THSD7B: variants seen among roughly 807,000 people sequenced by gnomAD.
THSD7B encodes the protein thrombospondin type-1 domain-containing protein 7B.
In THSD7B, 138 loss-of-function variants were observed where a neutral mutation model predicts 213.6. The observed-to-expected ratio is 0.65, with a 90% CI of 0.56 to 0.74. THSD7B has a LOEUF of 0.74. Ranked by LOEUF, THSD7B falls within the 30% of genes least tolerant of loss-of-function variation. The pLI is 0.00. For missense variants in THSD7B, 1,931 were observed against 1,991.5 expected (o/e 0.97, Z 0.58); for synonymous variants, 742 against 687.0 (o/e 1.08, Z -1.25).
chr2:137,056,413 C>A lies in THSD7B; in HGVS notation c.140-7C>A. On this transcript the variant is annotated splice_polypyrimidine_tract_variant and splice_region_variant and intron_variant, in intron 2 of 27. Coordinates refer to ENST00000409968, the MANE Select transcript of THSD7B (RefSeq NM_001316349.2). The stretch of plus-strand genomic sequence containing the variant: ...AGTAATTAACATCCTTGTTTTTCTG[C>A]CTGTAGGTCCGTGGGGAAGGTGTAC... 6.3e-7 allele frequency: 1 copy of A among 1,596,954 alleles called. No individual in the cohort carries two copies. The highest frequency in any genetic ancestry group is 1.7e-5 in the Admixed American group (1 of 58,030).
intron 1 of THSD7B, among the ~76,000 whole-genome samples, chr2:136,846,106 T>G (rs1178091778): frequency 6.6e-6 from 1 of 152,122 alleles, no homozygotes; most frequent in Non-Finnish European, 1.5e-5. Flanking sequence ...GATGGATGCT[T>G]AACCCCAGGG....
rs1244519702 is a variant in THSD7B at position 137,290,110 on chromosome 2, C to CTT, written c.2500+14103_2500+14104dup. 5.9e-3 allele frequency among the ~76,000 whole-genome samples: 776 copies of CTT among 130,784 alleles called. 5 individuals carry two copies. Among genetic ancestry groups the CTT allele is most frequent in the African/African-American group, 0.021 (737 of 35,678 alleles). 85.8% of individuals were successfully genotyped at this position (130,784 alleles called of 152,430 possible). A position where few individuals can be genotyped will look rare whatever the true frequency, so the allele number is the denominator to read the frequency against. On this transcript the variant is annotated intron_variant, in intron 12 of 27. Transcript: ENST00000409968. The stretch of plus-strand genomic sequence containing the variant: ...TTACTTTTCAGCCCCAAAGAGTTTT[C>CTT]TTTTTTTTTTTTTTTTTTTTAGATG...
intron 15 of THSD7B, among the ~76,000 whole-genome samples, chr2:137,520,564 T>A (rs1434536864): frequency 6.6e-6 from 1 of 152,206 alleles, no homozygotes; most frequent in Non-Finnish European, 1.5e-5. Flanking sequence ...AAGAGAAAGA[T>A]GCCCATAAAT....
intron 5 of THSD7B, among the ~76,000 whole-genome samples, chr2:137,122,366 T>C (rs1688560338): frequency 1.2e-5 from 1 of 84,838 alleles, no homozygotes; most frequent in Non-Finnish European, 3.1e-5. Context: ...CATGGGGACA[T>C]AGGGTAGGTT....
intron 3 of THSD7B, among the ~76,000 whole-genome samples, chr2:137,071,450 G>T (rs982969965): frequency 3.9e-5 from 6 of 152,122 alleles, no homozygotes; most frequent in Admixed American, 2.0e-4. Flanking sequence ...GTAGATTCTG[G>T]ATATTAGCCC....
rs79025512 is a variant in THSD7B at position 136,904,821 on chromosome 2, A to AG, written c.139+22504_139+22505insG. ...AATCTGAGAATAAAAAAAGAGAGAG[A>AG]AAAAAAATTATTTGCTTTCAGCAAA... On this transcript the variant is annotated intron_variant, in intron 2 of 27. Transcript: ENST00000409968. 2.7e-3 allele frequency among the ~76,000 whole-genome samples: 384 copies of AG among 143,324 alleles called. 5 individuals carry two copies. The highest frequency in any genetic ancestry group is 3.5e-3 in the Non-Finnish European group (228 of 64,658). 94.0% of individuals were successfully genotyped at this position (143,324 alleles called of 152,430 possible). A position where few individuals can be genotyped will look rare whatever the true frequency, so the allele number is the denominator to read the frequency against.
intron 1 of THSD7B, among the ~76,000 whole-genome samples, chr2:136,830,197 T>C (rs1238157882): frequency 1.3e-5 from 2 of 152,142 alleles, no homozygotes; most frequent in Non-Finnish European, 2.9e-5. Flanking sequence ...CTGTGACATA[T>C]GGTACCTGAA....
rs369142385 is a variant in THSD7B, at chr2:137,331,828, A to C, written c.2500+55802A>C. On this transcript the variant is annotated intron_variant, in intron 12 of 27. Coordinates refer to ENST00000409968, the MANE Select transcript of THSD7B (RefSeq NM_001316349.2). ...CTGGTACTGCTGGGGGACCCAGTAC[A>C]CCCTCCGCAGCCGCTGGCCCGGGTG... Among the ~76,000 whole-genome samples, 1,239 of 151,916 alleles carry C rather than the reference A, an allele frequency of 8.2e-3. 14 individuals are homozygous for C. The highest frequency in any genetic ancestry group is 0.028 in the African/African-American group (1,174 of 41,438).
chr2:136,823,134 GAGGATGAGCATTATC>G (rs1682592791), intron 1 of THSD7B, among the ~76,000 whole-genome samples: 1 of 152,096 alleles, frequency 6.6e-6, no homozygotes, highest in Non-Finnish European at 1.5e-5. Flanking sequence ...GTATCATATG[GAGGATGAGCATTATC>G]TTGTAGGATA....
intron 16 of THSD7B, among the ~76,000 whole-genome samples, chr2:137,564,936 G>T (rs1390673327): frequency 6.6e-6 from 1 of 152,072 alleles, no homozygotes; most frequent in Non-Finnish European, 1.5e-5. Context: ...GTGACCATTT[G>T]GAAATAAATA....
At chr2:137,611,005 T>A (rs867880468) in intron 17 of THSD7B, among the ~76,000 whole-genome samples, 1 of 146,302 alleles carries the variant, frequency 6.8e-6, no homozygotes, top group African/African-American at 2.5e-5. Flanking sequence ...ATAATAATAA[T>A]AAATAAAAAA....
intron 15 of THSD7B, among the ~76,000 whole-genome samples, chr2:137,521,919 G>A (rs1386821292): frequency 6.6e-6 from 1 of 151,922 alleles, no homozygotes; most frequent in East Asian, 1.9e-4. Context: ...CTTACTCCAT[G>A]TTCTGCATGA....
At chr2:137,463,272 G>A (rs1048855648) in intron 15 of THSD7B, among the ~76,000 whole-genome samples, 20 of 152,072 alleles carry the variant, frequency 1.3e-4, no homozygotes, top group African/African-American at 4.8e-4. Flanking sequence ...TGTATTCAGA[G>A]CAAGGAGATA....
chr2:137,538,518 T>C (rs1182027769), intron 15 of THSD7B: 1 of 516,276 alleles, frequency 1.9e-6, no homozygotes, highest in Non-Finnish European at 3.9e-6. Context: ...TCTGTTTTGA[T>C]CTTTATTGTT....
At chr2:137,650,921 A>G (rs1683126129) in intron 21 of THSD7B, among the ~76,000 whole-genome samples, 1 of 152,170 alleles carries the variant, frequency 6.6e-6, no homozygotes, top group Non-Finnish European at 1.5e-5. Context: ...CCTGAAATGA[A>G]TCCCACCTGA....
intron 15 of THSD7B, among the ~76,000 whole-genome samples, chr2:137,471,044 C>A (rs968867323): frequency 6.6e-6 from 1 of 151,836 alleles, no homozygotes; most frequent in African/African-American, 2.4e-5. Context: ...CTCAGCCTCC[C>A]AAGTAGCTGG....
intron 2 of THSD7B, among the ~76,000 whole-genome samples, chr2:136,989,491 G>T (rs1033512382): frequency 9.9e-5 from 15 of 152,132 alleles, no homozygotes; most frequent in African/African-American, 3.6e-4. Context: ...TGCCCTGACT[G>T]TAAGCTTCCT....
intron 12 of THSD7B, among the ~76,000 whole-genome samples, chr2:137,282,562 A>AGGG (rs1683053393): frequency 6.6e-6 from 1 of 152,136 alleles, no homozygotes; most frequent in Non-Finnish European, 1.5e-5. Flanking sequence ...TCTTTAATCA[A>AGGG]TCTTGAATTA....
intron 2 of THSD7B, among the ~76,000 whole-genome samples, chr2:136,966,237 A>G (rs1320391571): frequency 6.9e-6 from 1 of 144,514 alleles, no homozygotes; most frequent in Non-Finnish European, 1.5e-5. Context: ...TTTTTTTTTG[A>G]GACAGGGTTT....
Sources: gnomAD v4.1 joint callset for allele counts (sites outside exome capture counted in the v4.1 genomes callset) on GRCh38, gnomAD v4.1.1 for gene constraint, MANE v1.5 for transcripts, NCBI Gene and HGNC (gene_info 2026-07-23, HGNC 2026-07-21) for gene names.